Variants in ADAMTSL3 observed in about 807,000 individuals in gnomAD.
The protein encoded by ADAMTSL3 is ADAMTS like 3, also known as ADAMTS-like protein 3.
Under a neutral mutation model 201.7 loss-of-function variants are expected in ADAMTSL3, and 128 were observed. The ratio of observed to expected loss-of-function variants is 0.63; its 90% confidence interval spans 0.55 to 0.73. The LOEUF (loss-of-function observed/expected upper bound fraction) is 0.73. Ranked by LOEUF, ADAMTSL3 falls within the 30% of genes least tolerant of loss-of-function variation. The pLI is 0.00. For missense variants in ADAMTSL3, 1,990 were observed against 2,119.6 expected (o/e 0.94, Z 1.20); for synonymous variants, 738 against 748.4 (o/e 0.99, Z 0.23).
At chr15:83,953,127 T>C (rs1050224542) in intron 19 of ADAMTSL3, among the ~76,000 whole-genome samples, 10 of 152,234 alleles carry the variant, frequency 6.6e-5, no homozygotes, top group Admixed American at 3.3e-4. Flanking sequence ...CCATTTACAT[T>C]AAGTGTTACT....
chr15:83,841,916 G>A (rs973040699), intron 7 of ADAMTSL3, among the ~76,000 whole-genome samples: 1 of 151,792 alleles, frequency 6.6e-6, no homozygotes, highest in East Asian at 2.0e-4. Context: ...CACAGACGCC[G>A]ACAGGCCATT....
intron 6 of ADAMTSL3, among the ~76,000 whole-genome samples, chr15:83,829,194 C>G (rs1397122256): frequency 6.6e-6 from 1 of 152,196 alleles, no homozygotes; most frequent in African/African-American, 2.4e-5. Flanking sequence ...ATTATTGCCT[C>G]AATTTCAGAG....
rs145371711 is a variant in ADAMTSL3 at position 84,015,680 on chromosome 15, T to G, written c.4157-703T>G. Among the ~76,000 whole-genome samples the G allele has an allele frequency of 6.2e-3, 949 of 152,312 alleles. 3 individuals carry two copies. Among genetic ancestry groups the G allele is most frequent in the Non-Finnish European group, 7.1e-3 (483 of 68,032 alleles). ...ACCACGTGGCTCTTTCCAAAAAGCCTCTGTGTGATCTTCCAAAATCTTCGA... is the reference window on the plus strand; with the variant it reads ...ACCACGTGGCTCTTTCCAAAAAGCCGCTGTGTGATCTTCCAAAATCTTCGA... On this transcript the variant is annotated intron_variant, in intron 24 of 29. Transcript: ENST00000286744.
intron 2 of ADAMTSL3, among the ~76,000 whole-genome samples, chr15:83,664,429 CA>C (rs1347826473): frequency 1.3e-5 from 2 of 152,144 alleles, no homozygotes; most frequent in East Asian, 3.9e-4. Flanking sequence ...AAATGCTTCT[CA>C]AACCAAAGTC....
intron 8 of ADAMTSL3, among the ~76,000 whole-genome samples, chr15:83,868,799 T>C (rs942178001): frequency 2.6e-5 from 4 of 152,212 alleles, no homozygotes; most frequent in Non-Finnish European, 5.9e-5. Flanking sequence ...TGTTTTTATA[T>C]CCATGTCACT....
At chr15:83,770,884 G>T (rs1008940217) in intron 3 of ADAMTSL3, among the ~76,000 whole-genome samples, 5 of 152,076 alleles carry the variant, frequency 3.3e-5, no homozygotes, top group African/African-American at 1.2e-4. Flanking sequence ...TGGCTAACAC[G>T]GTGAAACCCC....
chr15:83,999,610 C>T (rs933590244), intron 23 of ADAMTSL3, among the ~76,000 whole-genome samples: 1 of 152,132 alleles, frequency 6.6e-6, no homozygotes, highest in Non-Finnish European at 1.5e-5. Flanking sequence ...TAATTCCACA[C>T]GGTGCATGCA....
At position 83,983,251 on chromosome 15, in the gene ADAMTSL3, C is replaced by G; in HGVS notation, c.3623C>G (p.Thr1208Arg). The change falls in exon 21 of 30, where the codon ACA becomes AGA. Residue 1208 changes from threonine to arginine, a missense_variant. Transcript: ENST00000286744. Reference sequence around the variant, plus strand: ...AATACAGTATACATTACAAAAAGGACAGAGGTCATCAATATACTGTGTGAC... The same window carrying G: ...AATACAGTATACATTACAAAAAGGAGAGAGGTCATCAATATACTGTGTGAC... ...IGNTVYITKRTEVINILCDLI... is the reference protein window; with the variant it reads ...IGNTVYITKRREVINILCDLI... 1 of 1,613,420 alleles carries G rather than the reference C, an allele frequency of 6.2e-7. No individual in the cohort carries two copies. Among genetic ancestry groups the G allele is most frequent in the Non-Finnish European group, 8.5e-7 (1 of 1,179,708 alleles).
chr15:83,924,901 C>G (rs1277093958), intron 17 of ADAMTSL3, among the ~76,000 whole-genome samples: 1 of 152,154 alleles, frequency 6.6e-6, no homozygotes, highest in Non-Finnish European at 1.5e-5. Context: ...GTCGTTTGCC[C>G]CGCTAATGAA....
intron 9 of ADAMTSL3, among the ~76,000 whole-genome samples, chr15:83,884,699 TA>T (rs2065352595): frequency 6.6e-6 from 1 of 152,294 alleles, no homozygotes; most frequent in East Asian, 1.9e-4. Context: ...ATATTATTAT[TA>T]AAAATGTAAG....
chr15:83,781,345 AAAAC>A (rs1424973045), intron 4 of ADAMTSL3, among the ~76,000 whole-genome samples: 1 of 152,218 alleles, frequency 6.6e-6, no homozygotes, highest in African/African-American at 2.4e-5. Flanking sequence ...ACCTGACAAA[AAAAC>A]AAGCAATGGA....
intron 2 of ADAMTSL3, among the ~76,000 whole-genome samples, chr15:83,696,747 G>T (rs2061693089): frequency 6.6e-6 from 1 of 152,234 alleles, no homozygotes. Context: ...TTCAGTGTTT[G>T]TAGCAGTGAC....
At chr15:84,021,371 CT>C in intron 25 of ADAMTSL3, 38 bp from the exon 26 acceptor site, 1 of 1,610,140 alleles carries the variant, frequency 6.2e-7, no homozygotes, top group Non-Finnish European at 8.5e-7. Context: ...CGTCATTTCT[CT>C]TTTGGGGCTG....
chr15:83,726,553 G>A (rs764984554), intron 3 of ADAMTSL3, among the ~76,000 whole-genome samples: 1 of 151,984 alleles, frequency 6.6e-6, no homozygotes, highest in Non-Finnish European at 1.5e-5. Flanking sequence ...CTTTCATTAT[G>A]TTGATGTATG....
chr15:83,744,040 C>T (rs765861714), intron 3 of ADAMTSL3, among the ~76,000 whole-genome samples: 8 of 151,872 alleles, frequency 5.3e-5, no homozygotes, highest in Non-Finnish European at 1.0e-4. Context: ...TTAGTAGAGA[C>T]GGGGTTTCAC....
At chr15:83,878,767 GT>G (rs1296424072) in intron 9 of ADAMTSL3, among the ~76,000 whole-genome samples, 2 of 140,782 alleles carry the variant, frequency 1.4e-5, no homozygotes, top group East Asian at 4.3e-4. Flanking sequence ...GGGTTTGCTT[GT>G]TTGTTTGTTT....
At chr15:83,737,759 CAT>C (rs2141624711) in intron 3 of ADAMTSL3, among the ~76,000 whole-genome samples, 1 of 152,240 alleles carries the variant, frequency 6.6e-6, no homozygotes, top group East Asian at 1.9e-4. Context: ...AAAACACAAA[CAT>C]ATACATACCC....
chr15:83,853,816 AT>A (rs1269032018), intron 7 of ADAMTSL3, among the ~76,000 whole-genome samples: 1 of 152,180 alleles, frequency 6.6e-6, no homozygotes, highest in Non-Finnish European at 1.5e-5. Context: ...AGTTGATAAA[AT>A]AACACAATTC....
chr15:84,016,651 G>A (rs1219838165), intron 25 of ADAMTSL3, 152 bp downstream of exon 25: 1 of 664,544 alleles, frequency 1.5e-6, no homozygotes, highest in African/African-American at 1.8e-5. Context: ...TCAGTCTTTA[G>A]TGGTTCAACT....
Sources: allele counts gnomAD v4.1 joint callset (sites outside exome capture counted in the v4.1 genomes callset), GRCh38; gene constraint gnomAD v4.1.1; transcripts MANE v1.5; gene names NCBI Gene and HGNC (gene_info 2026-07-23, HGNC 2026-07-21).